Variants in CR2 observed in about 807,000 individuals in gnomAD.
CR2 encodes complement C3d receptor 2.
A neutral mutation model predicts 123.0 loss-of-function variants in CR2; 96 were observed. The observed-to-expected ratio is 0.78, with a 90% CI of 0.66 to 0.93. The LOEUF (loss-of-function observed/expected upper bound fraction) is 0.93. CR2 is among the 40% of genes least tolerant of loss of function. CR2 has a pLI of 0.00. For synonymous variants in CR2, 484 were observed against 469.5 expected (o/e 1.03, Z -0.40); for missense variants, 1,258 against 1,361.0 (o/e 0.92, Z 1.19).
intron 14 of CR2, 94 bp downstream of exon 14, chr1:207,475,310 C>A: frequency 7.5e-7 from 1 of 1,340,052 alleles, no homozygotes; most frequent in Non-Finnish European, 1.0e-6. Context: ...TAAAGAAAAG[C>A]ATCTAAGAGC....
intron 16 of CR2, 90 bp downstream of exon 16, chr1:207,478,160 T>G: frequency 7.6e-7 from 1 of 1,319,404 alleles, no homozygotes; most frequent in Non-Finnish European, 1.1e-6. Context: ...TCCTGGGTTT[T>G]AAATTGACAT....
chr1:207,480,177 G>A (rs781341623), intron 18 of CR2, 124 bp downstream of exon 18: 11 of 755,924 alleles, frequency 1.5e-5, no homozygotes, highest in Non-Finnish European at 2.6e-5. Context: ...ACTAAATGAA[G>A]TATCTCGTGC....
chr1:207,460,411 G>A (rs1242463558), intron 1 of CR2, among the ~76,000 whole-genome samples: 2 of 152,164 alleles, frequency 1.3e-5, no homozygotes, highest in African/African-American at 2.4e-5. Flanking sequence ...AGGTCTGGCT[G>A]TGTTTTGGGA....
intron 1 of CR2, chr1:207,455,002 A>G (rs41304111): frequency 0.015 from 2,385 of 154,324 alleles, 36 homozygotes; most frequent in Middle Eastern, 0.04. Context: ...CTGAACTCTA[A>G]TGTGATATTG....
At chr1:207,488,837 G>C (rs145716919) in intron 19 of CR2, among the ~76,000 whole-genome samples, 151 of 152,218 alleles carry the variant, frequency 9.9e-4, no homozygotes, top group African/African-American at 3.6e-3. Context: ...ACCAGTTGAG[G>C]TACAGAGTAC....
rs1262289539 is a variant in CR2 at position 207,473,876 on chromosome 1, G to A, written c.2231G>A (p.Cys744Tyr). 2 of 1,613,558 alleles carry A rather than the reference G, an allele frequency of 1.2e-6. No individual in the cohort carries two copies. Among genetic ancestry groups the A allele is most frequent in the Non-Finnish European group, 1.7e-6 (2 of 1,179,764 alleles). The change falls in exon 12 of 20, where the codon TGC becomes TAC. Residue 744 changes from cysteine to tyrosine, a missense_variant. Coordinates refer to ENST00000367057, the MANE Select transcript of CR2 (RefSeq NM_001006658.3). ...CGTGTGGAGCTAGTTAATACGTCCT[G>A]CCAAGATGGGTGAGTATGAAGTGGT... is the stretch of plus-strand genomic sequence containing the variant. ...GSRVELVNTS[C>Y]QDGYQLTGHA... is the part of the protein sequence containing the mutation.
chr1:207,483,125 C>G (rs1658651179), intron 18 of CR2, among the ~76,000 whole-genome samples: 1 of 152,062 alleles, frequency 6.6e-6, no homozygotes, highest in African/African-American at 2.4e-5. Flanking sequence ...GGCGGATAAT[C>G]CAATGAAGTC....
At chr1:207,467,813 C>T (rs1658146130) in intron 2 of CR2, among the ~76,000 whole-genome samples, 1 of 152,122 alleles carries the variant, frequency 6.6e-6, no homozygotes, top group African/African-American at 2.4e-5. Context: ...ATATCGTATA[C>T]ATGTCGCTAA....
intron 18 of CR2, among the ~76,000 whole-genome samples, chr1:207,482,127 A>G (rs11117884): frequency 0.41 from 61,778 of 151,780 alleles, 12,927 homozygotes; most frequent in Admixed American, 0.52. Context: ...TTTCTTTTCT[A>G]TATTACATAA....
At position 207,454,516 on chromosome 1, in the gene CR2, C is replaced by A; in HGVS notation, c.58+40C>A. The A allele has an allele frequency of 6.9e-7, 1 of 1,443,222 alleles. No homozygotes were observed. The highest frequency in any genetic ancestry group is 9.3e-7 in the Non-Finnish European group (1 of 1,073,946). The allele number at this position is 1,443,222 out of a possible 1,614,324, so 89.4% of individuals were successfully genotyped here. A position where few individuals can be genotyped will look rare whatever the true frequency, so the allele number is the denominator to read the frequency against. On this transcript the variant is annotated intron_variant, in intron 1 of 19. Transcript: ENST00000367057. The surrounding 1 kb of genome is among the most constrained non-coding windows in gnomAD (Gnocchi z 4.3). Reference sequence around the variant, plus strand: ...GGAGCACGGAGGTGGGGACGCGTCCCGGGCAGGGAAAGTTTCTGTGCCGCG... The same window carrying A: ...GGAGCACGGAGGTGGGGACGCGTCCAGGGCAGGGAAAGTTTCTGTGCCGCG...
intron 2 of CR2, among the ~76,000 whole-genome samples, chr1:207,467,262 G>T (rs993760705): frequency 1.3e-5 from 2 of 151,858 alleles, no homozygotes; most frequent in Non-Finnish European, 1.5e-5. Flanking sequence ...TGAGAAGAAC[G>T]GTGGGATCTT....
chr1:207,489,358 T>C lies in CR2; in HGVS notation c.*235T>C, dbSNP rs908139941. The C allele has an allele frequency of 3.3e-5, 5 of 152,322 alleles. No individual in the cohort carries two copies. Among genetic ancestry groups the C allele is most frequent in the Admixed American group, 6.5e-5 (1 of 15,300 alleles). The allele number at this position is 152,322 out of a possible 1,614,324, so 9.4% of individuals were successfully genotyped here. On this transcript the variant is annotated 3_prime_UTR_variant, in exon 20 of 20. Transcript: ENST00000367057. ...CAAGGACTTTCTGAAGCCTCACTTA[T>C]GAGATGCCTGAAGCCAGGCCATGGC...
At chr1:207,459,175 C>G (rs188654836) in intron 1 of CR2, among the ~76,000 whole-genome samples, 1 of 152,108 alleles carries the variant, frequency 6.6e-6, no homozygotes, top group African/African-American at 2.4e-5. Flanking sequence ...AGGCAGATGC[C>G]GGAAGGATGT....
chr1:207,464,262 G>A (rs1228355892), intron 1 of CR2, among the ~76,000 whole-genome samples: 2 of 152,144 alleles, frequency 1.3e-5, no homozygotes, highest in Non-Finnish European at 1.5e-5. Flanking sequence ...TTTGAGATCA[G>A]GATACAGAAT....
chr1:207,474,095 T>C, intron 12 of CR2, 146 bp from the exon 13 acceptor site: 1 of 884,392 alleles, frequency 1.1e-6, no homozygotes, highest in Non-Finnish European at 1.8e-6. Context: ...AAGTAGTTTT[T>C]TTACTTGGAG....
intron 14 of CR2, among the ~76,000 whole-genome samples, chr1:207,475,536 A>G (rs1357597359): frequency 6.6e-6 from 1 of 152,218 alleles, no homozygotes; most frequent in African/African-American, 2.4e-5. Context: ...TTTGGCAGTA[A>G]TATTGCTAAT....
chr1:207,476,846 A>G (rs9429777), intron 15 of CR2, among the ~76,000 whole-genome samples: 4,931 of 152,330 alleles, frequency 0.032, 264 homozygotes, highest in African/African-American at 0.11. Flanking sequence ...TCATTGTCAT[A>G]AACAGTGCAT....
Position 207,469,375 on chromosome 1 carries a change from A to G in CR2, c.817+143A>G, listed in dbSNP as rs763652908. 2.5e-5 allele frequency: 20 copies of G among 793,968 alleles called. No homozygotes were observed. In the Middle Eastern group the frequency reaches 9.1e-4, roughly 36 times the overall value. 49.2% of individuals were successfully genotyped at this position (793,968 alleles called of 1,614,324 possible). ...ATATGTGCTTCACCAAAGCATCCTT[A>G]TTTTTTGTTTCCTCAAGTAAAATGG... On this transcript the variant is annotated intron_variant, in intron 5 of 19. Coordinates refer to ENST00000367057, the MANE Select transcript of CR2 (RefSeq NM_001006658.3).
chr1:207,481,609 C>T (rs976208725), intron 18 of CR2, among the ~76,000 whole-genome samples: 1 of 151,984 alleles, frequency 6.6e-6, no homozygotes, highest in African/African-American at 2.4e-5. Context: ...GTGCCTTAAA[C>T]CTATATATTT....
Sources: allele counts gnomAD v4.1 joint callset (sites outside exome capture counted in the v4.1 genomes callset), GRCh38; gene constraint gnomAD v4.1.1; non-coding constraint Gnocchi (gnomAD v3.1); transcripts MANE v1.5; gene names NCBI Gene and HGNC (gene_info 2026-07-23, HGNC 2026-07-21).